PROS1: variants seen among roughly 807,000 people sequenced by gnomAD.
PROS1 encodes the protein vitamin K-dependent protein S.
A neutral mutation model predicts 75.9 loss-of-function variants in PROS1; 29 were observed. The ratio of observed to expected loss-of-function variants is 0.38; its 90% CI spans 0.28 to 0.52. PROS1 has a LOEUF of 0.52. Ranked by LOEUF, PROS1 falls within the 20% of genes least tolerant of loss-of-function variation. The pLI is 0.83. For missense variants in PROS1, 680 were observed against 810.3 expected (o/e 0.84, Z 1.95); for synonymous variants, 245 against 280.6 (o/e 0.87, Z 1.27).
At chr3:93,955,828 T>C (rs1474422296) in intron 1 of PROS1, among the ~76,000 whole-genome samples, 1 of 152,196 alleles carries the variant, frequency 6.6e-6, no homozygotes, top group African/African-American at 2.4e-5. Context: ...GATAATCATC[T>C]AGTCTGACAA....
chr3:93,893,879 C>G lies in PROS1; in HGVS notation c.966-757G>C, dbSNP rs190835763. Among the ~76,000 whole-genome samples, 51 of 152,214 alleles carry G rather than the reference C, an allele frequency of 3.4e-4. No homozygotes were observed. In the East Asian group the frequency reaches 5.6e-3, roughly 17 times the overall value. On this transcript the variant is annotated intron_variant, in intron 9 of 14. Coordinates refer to ENST00000394236, the MANE Select transcript of PROS1 (RefSeq NM_000313.4). Reference sequence around the variant, plus strand: ...ATCTGAGTGCTGGCAACATCTGTTGCTATTAAGACTCTAGACATATATGTA... The same window carrying G: ...ATCTGAGTGCTGGCAACATCTGTTGGTATTAAGACTCTAGACATATATGTA...
chr3:93,945,363 A>G (rs756000977), intron 1 of PROS1, among the ~76,000 whole-genome samples: 39 of 152,214 alleles, frequency 2.6e-4, no homozygotes, highest in Non-Finnish European at 4.9e-4. Flanking sequence ...CAAAAAAAAG[A>G]GAATTGTAGA....
intron 4 of PROS1, among the ~76,000 whole-genome samples, chr3:93,908,225 C>G (rs1708705498): frequency 6.6e-6 from 1 of 152,144 alleles, no homozygotes. Context: ...ATAAGTAGAA[C>G]TTCAGTCTAA....
intron 4 of PROS1, 99 bp from the exon 5 acceptor site, chr3:93,906,242 A>G (rs80091902): frequency 7.9e-6 from 10 of 1,261,628 alleles, no homozygotes; most frequent in East Asian, 7.1e-5. Context: ...AGAACCAATG[A>G]AAAAAAAACA....
chr3:93,950,511 A>G (rs910989664), intron 1 of PROS1, among the ~76,000 whole-genome samples: 23 of 152,150 alleles, frequency 1.5e-4, no homozygotes, highest in Admixed American at 1.5e-3. Flanking sequence ...AGGCAGCGAC[A>G]TTTGCCGTTC....
chr3:93,879,350 C>T, intron 12 of PROS1, 36 bp from the exon 13 acceptor site: 2 of 1,608,174 alleles, frequency 1.2e-6, no homozygotes, highest in Non-Finnish European at 1.7e-6. Flanking sequence ...ATGATCAATG[C>T]ACTCCTAAAG....
intron 4 of PROS1, among the ~76,000 whole-genome samples, chr3:93,909,909 C>T (rs961729720): frequency 6.6e-6 from 1 of 151,714 alleles, no homozygotes. Flanking sequence ...TCTGTTCTTT[C>T]GTAAATTTTA....
At chr3:93,971,945 T>G (rs1012454859) in intron 1 of PROS1, among the ~76,000 whole-genome samples, 9 of 152,240 alleles carry the variant, frequency 5.9e-5, no homozygotes, top group African/African-American at 2.2e-4. Context: ...GAAAGCATTA[T>G]GGGGCCAACT....
At chr3:93,890,284 C>T (rs570992924) in intron 10 of PROS1, among the ~76,000 whole-genome samples, 14 of 152,152 alleles carry the variant, frequency 9.2e-5, no homozygotes, top group African/African-American at 1.9e-4. Context: ...ATACGTGCAC[C>T]GCTGAACATA....
intron 12 of PROS1, among the ~76,000 whole-genome samples, chr3:93,880,236 C>T (rs972208952): frequency 1.3e-5 from 2 of 151,912 alleles, no homozygotes; most frequent in African/African-American, 2.4e-5. Context: ...ATATATAGAC[C>T]GGGTACGGTG....
chr3:93,920,758 G>T (rs981778909), intron 3 of PROS1, among the ~76,000 whole-genome samples: 26 of 151,806 alleles, frequency 1.7e-4, no homozygotes, highest in African/African-American at 5.6e-4. Flanking sequence ...TGCAGATTTT[G>T]TTCACTTTCT....
intron 8 of PROS1, among the ~76,000 whole-genome samples, chr3:93,897,289 A>G (rs1438852296): frequency 6.6e-6 from 1 of 152,150 alleles, no homozygotes; most frequent in East Asian, 1.9e-4. Context: ...ATATGGTATC[A>G]AGTATTTTTT....
chr3:93,951,863 C>G (rs1208701445), intron 1 of PROS1, among the ~76,000 whole-genome samples: 1 of 151,948 alleles, frequency 6.6e-6, no homozygotes, highest in Non-Finnish European at 1.5e-5. Flanking sequence ...CACACATAGG[C>G]TCAAAATAAA....
chr3:93,902,870 A>G (rs1243536589), intron 6 of PROS1, among the ~76,000 whole-genome samples: 1 of 151,940 alleles, frequency 6.6e-6, no homozygotes, highest in Non-Finnish European at 1.5e-5. Context: ...TCATTGTAAT[A>G]GTGTTTTTTG....
At chr3:93,923,414 A>G (rs1370629460) in intron 3 of PROS1, among the ~76,000 whole-genome samples, 2 of 152,164 alleles carry the variant, frequency 1.3e-5, no homozygotes, top group African/African-American at 2.4e-5. Flanking sequence ...TTTAATGTAC[A>G]CATAATATTT....
chr3:93,903,340 T>C (rs1170867949), intron 6 of PROS1, among the ~76,000 whole-genome samples: 1 of 152,212 alleles, frequency 6.6e-6, no homozygotes, highest in Non-Finnish European at 1.5e-5. Context: ...ACTGAGTGGA[T>C]AAGAATTAAA....
chr3:93,925,939 G>A (rs1439158218), intron 2 of PROS1, among the ~76,000 whole-genome samples: 1 of 151,688 alleles, frequency 6.6e-6, no homozygotes, highest in Non-Finnish European at 1.5e-5. Flanking sequence ...TGGAAGGGAG[G>A]AAGCACATGA....
chr3:93,907,978 T>C (rs760486660), intron 4 of PROS1, among the ~76,000 whole-genome samples: 7 of 152,152 alleles, frequency 4.6e-5, no homozygotes, highest in Non-Finnish European at 1.0e-4. Flanking sequence ...TGAAACCCTG[T>C]CTTTACGAAA....
At chr3:93,912,060 G>A (rs1708766023) in intron 3 of PROS1, among the ~76,000 whole-genome samples, 1 of 152,154 alleles carries the variant, frequency 6.6e-6, no homozygotes, top group South Asian at 2.1e-4. Context: ...AAATTTAGTA[G>A]CTTTAAATAA....
Sources: allele counts gnomAD v4.1 joint callset (sites outside exome capture counted in the v4.1 genomes callset), GRCh38; gene constraint gnomAD v4.1.1; transcripts MANE v1.5; gene names NCBI Gene and HGNC (gene_info 2026-07-23, HGNC 2026-07-21).